The following EYS variants were observed in gnomAD, a reference collection of about 807,000 sequenced individuals.
The protein encoded by EYS is EGF-like photoreceptor maintenance factor, also known as protein eyes shut homolog.
A neutral mutation model predicts 282.1 loss-of-function variants in EYS; 250 were observed. That is an observed-to-expected ratio of 0.89 (90% CI 0.80 to 0.98). The LOEUF (loss-of-function observed/expected upper bound fraction) is 0.98, where lower values mean the gene tolerates loss of function less well. Ranked by LOEUF, EYS falls within the 50% of genes least tolerant of loss-of-function variation. The pLI is 0.00. For missense variants in EYS, 4,016 were observed against 3,709.0 expected, an observed-to-expected ratio of 1.08 and a Z score of -2.15; for synonymous variants, 1,355 against 1,282.9, an observed-to-expected ratio of 1.06 and a Z score of -1.20.
At chr6:65,213,244 T>C (rs1199914670) in intron 12 of EYS, among the ~76,000 whole-genome samples, 1 of 152,222 alleles carries the variant, frequency 6.6e-6, no homozygotes, top group African/African-American at 2.4e-5. Flanking sequence ...CTGTCATCCG[T>C]GTGCGCACCT....
chr6:64,475,932 A>G (rs1776252586), intron 26 of EYS, among the ~76,000 whole-genome samples: 1 of 152,122 alleles, frequency 6.6e-6, no homozygotes, highest in African/African-American at 2.4e-5. Context: ...GGCTACAGGT[A>G]CATGCCAGCA....
At chr6:64,523,909 T>C (rs1295584137) in intron 26 of EYS, among the ~76,000 whole-genome samples, 1 of 151,780 alleles carries the variant, frequency 6.6e-6, no homozygotes, top group Admixed American at 6.6e-5. Context: ...TGAAATTTTA[T>C]CTATATAAAT....
chr6:64,828,204 G>T (rs1404815615), intron 19 of EYS, among the ~76,000 whole-genome samples: 4 of 151,710 alleles, frequency 2.6e-5, no homozygotes, highest in African/African-American at 9.7e-5. Flanking sequence ...TTAATCAAAA[G>T]GAAACACCTG....
intron 26 of EYS, among the ~76,000 whole-genome samples, chr6:64,580,782 C>T (rs1016096634): frequency 2.0e-5 from 3 of 152,018 alleles, no homozygotes; most frequent in Non-Finnish European, 4.4e-5. Context: ...GAGAGAACTG[C>T]ATTATTTCAA....
intron 12 of EYS, among the ~76,000 whole-genome samples, chr6:65,220,009 TA>T (rs1766419727): frequency 6.6e-6 from 1 of 152,058 alleles, no homozygotes; most frequent in African/African-American, 2.4e-5. Flanking sequence ...GGGGGAGGCA[TA>T]AAGGCAAACC....
At chr6:65,152,826 C>T (rs1764643829) in intron 12 of EYS, among the ~76,000 whole-genome samples, 1 of 151,122 alleles carries the variant, frequency 6.6e-6, no homozygotes, top group Non-Finnish European at 1.5e-5. Context: ...TAATATTATT[C>T]ATTAAAATAT....
intron 14 of EYS, among the ~76,000 whole-genome samples, chr6:64,976,662 T>G (rs896534275): frequency 6.6e-5 from 10 of 152,002 alleles, no homozygotes; most frequent in African/African-American, 1.9e-4. Flanking sequence ...GATTTTCATA[T>G]ATGAATTTTA....
At chr6:65,262,123 G>A (rs1392404114) in intron 12 of EYS, among the ~76,000 whole-genome samples, 1 of 151,926 alleles carries the variant, frequency 6.6e-6, no homozygotes, top group Non-Finnish European at 1.5e-5. Context: ...TAGCTCCCAG[G>A]TGCTTTTTCC....
chr6:64,408,258 G>A (rs1279343959), intron 28 of EYS, among the ~76,000 whole-genome samples: 1 of 152,058 alleles, frequency 6.6e-6, no homozygotes, highest in Non-Finnish European at 1.5e-5. Context: ...ATGCTTTATA[G>A]TTCAAGGCCT....
intron 30 of EYS, among the ~76,000 whole-genome samples, chr6:64,246,560 A>G (rs1350506499): frequency 1.3e-5 from 2 of 152,180 alleles, no homozygotes; most frequent in East Asian, 3.8e-4. Context: ...AATATTTTGT[A>G]TGTTGTATTT....
intron 14 of EYS, among the ~76,000 whole-genome samples, chr6:64,950,771 T>A (rs1769460067): frequency 9.2e-6 from 1 of 108,596 alleles, no homozygotes; most frequent in Non-Finnish European, 1.9e-5. Flanking sequence ...AGAAACTGAA[T>A]AAAAAATATA....
intron 22 of EYS, among the ~76,000 whole-genome samples, chr6:64,782,148 A>G (rs1259879273): frequency 6.6e-6 from 1 of 152,236 alleles, no homozygotes; most frequent in African/African-American, 2.4e-5. Context: ...GGCAGATCAT[A>G]TGTTTTAACA....
At chr6:63,900,495 T>C (rs1427631403) in intron 35 of EYS, among the ~76,000 whole-genome samples, 1 of 152,110 alleles carries the variant, frequency 6.6e-6, no homozygotes, top group Non-Finnish European at 1.5e-5. Context: ...AAGCAGATCT[T>C]AAGGATTGAG....
In EYS at chr6:65,640,410, A is replaced by G. The variant is rs554687694; in HGVS notation, c.-447-518T>C. On this transcript the variant is annotated intron_variant, in intron 1 of 42. Transcript: ENST00000503581. ...AATGAATTTCAAAAATAATTCTTTC[A>G]TTAAAAAGAGTTTTTTTTTTCCTTT... Among the ~76,000 whole-genome samples the G allele has an allele frequency of 8.3e-4, 103 of 124,050 alleles. 1 individual carries two copies. Among genetic ancestry groups the G allele is most frequent in the African/African-American group, 2.6e-3 (101 of 38,388 alleles). The allele number at this position is 124,050 out of a possible 152,430, so 81.4% of individuals were successfully genotyped here.
intron 31 of EYS, among the ~76,000 whole-genome samples, chr6:64,220,471 G>A (rs1766066848): frequency 6.6e-6 from 1 of 152,156 alleles, no homozygotes; most frequent in South Asian, 2.1e-4. Flanking sequence ...GGCTGGCATG[G>A]CATACTTTGG....
chr6:64,609,027 G>C (rs145753868), intron 24 of EYS, among the ~76,000 whole-genome samples: 227 of 152,220 alleles, frequency 1.5e-3, no homozygotes, highest in African/African-American at 5.2e-3. Context: ...GACCAAGAGT[G>C]AACTCTAATG....
intron 29 of EYS, among the ~76,000 whole-genome samples, chr6:64,312,737 A>T (rs113665603): frequency 2.3e-4 from 35 of 152,314 alleles, no homozygotes; most frequent in African/African-American, 7.2e-4. Context: ...ACCAAGGAAA[A>T]CAGGATCTGG....
At chr6:64,918,760 G>A (rs1363615883) in intron 15 of EYS, among the ~76,000 whole-genome samples, 1 of 152,196 alleles carries the variant, frequency 6.6e-6, no homozygotes, top group East Asian at 1.9e-4. Context: ...GTAGGAGACA[G>A]ATGACAACGA....
At chr6:64,406,294 C>T (rs533971079) in intron 28 of EYS, among the ~76,000 whole-genome samples, 25 of 152,274 alleles carry the variant, frequency 1.6e-4, no homozygotes, top group African/African-American at 5.8e-4. Context: ...TTCCTTACAT[C>T]TTATACAAAA....
Sources: allele counts gnomAD v4.1 joint callset (sites outside exome capture counted in the v4.1 genomes callset), GRCh38; gene constraint gnomAD v4.1.1; transcripts MANE v1.5; gene names NCBI Gene and HGNC (gene_info 2026-07-23, HGNC 2026-07-21).